CYLC1: variants seen among roughly 807,000 people sequenced by gnomAD.
The protein encoded by CYLC1 is cylicin 1, also known as cylicin-1.
CYLC1 carries 2 observed loss-of-function variants against 31.6 expected under a neutral mutation model. That is an observed-to-expected ratio of 0.06 (90% CI 0.03 to 0.20). The LOEUF is 0.20. Among genes scored for constraint, CYLC1 ranks in the 10% least tolerant of loss-of-function variants. The pLI is 1.00. For missense variants in CYLC1, 595 were observed against 424.1 expected, an observed-to-expected ratio of 1.40 and a Z score of -3.54; for synonymous variants, 185 against 153.0, an observed-to-expected ratio of 1.21 and a Z score of -1.54.
At chrX:83,878,965 G>A (rs1466556753) in intron 4 of CYLC1, among the ~76,000 whole-genome samples, 1 of 107,707 alleles carries the variant, frequency 9.3e-6, no homozygotes, top group Non-Finnish European at 1.9e-5. Context: ...AACCACATAA[G>A]CAGTGCTGTG....
At chrX:83,870,007 C>A in intron 2 of CYLC1, 102 bp downstream of exon 2, 5 of 436,635 alleles carry the variant, frequency 1.1e-5, no homozygotes, top group Non-Finnish European at 1.6e-5. Flanking sequence ...GCAGAAACTG[C>A]TATGAATTTT....
At chrX:83,866,948 A>G (rs192146265) in intron 1 of CYLC1, among the ~76,000 whole-genome samples, 1 of 111,541 alleles carries the variant, frequency 9.0e-6, no homozygotes, top group Admixed American at 9.6e-5. Flanking sequence ...GCAAGAAGAA[A>G]CTGCATTATA....
intron 1 of CYLC1, among the ~76,000 whole-genome samples, chrX:83,861,599 T>C (rs151254975): frequency 0.11 from 12,378 of 111,426 alleles, 694 homozygotes; most frequent in East Asian, 0.49. Flanking sequence ...AATTAGACCA[T>C]TCTATTTTTC....
chrX:83,865,593 C>A (rs1208612968), intron 1 of CYLC1, among the ~76,000 whole-genome samples: 1 of 111,603 alleles, frequency 9.0e-6, no homozygotes, highest in African/African-American at 3.3e-5. Context: ...TCATTCAGAG[C>A]TAAAATCAAG....
intron 4 of CYLC1, among the ~76,000 whole-genome samples, chrX:83,878,707 T>C (rs1013580434): frequency 1.9e-5 from 2 of 103,507 alleles, no homozygotes; most frequent in East Asian, 3.0e-4. Context: ...TTAAAACAAG[T>C]ATTTTTTTAA....
intron 4 of CYLC1, among the ~76,000 whole-genome samples, chrX:83,879,877 G>A (rs1374865790): frequency 9.0e-6 from 1 of 111,449 alleles, no homozygotes; most frequent in African/African-American, 3.3e-5. Flanking sequence ...TTGCATCTTG[G>A]TCAGCAATAG....
intron 1 of CYLC1, among the ~76,000 whole-genome samples, chrX:83,865,192 C>T (rs912954043): frequency 9.0e-6 from 1 of 111,011 alleles, no homozygotes; most frequent in Non-Finnish European, 1.9e-5. Flanking sequence ...ACCTGCTCAT[C>T]CATAAGTATT....
chrX:83,863,362 C>T (rs2031542966), intron 1 of CYLC1, among the ~76,000 whole-genome samples: 1 of 111,003 alleles, frequency 9.0e-6, no homozygotes, highest in South Asian at 3.8e-4. Context: ...CTACCTTTTC[C>T]CTGTTCCTTG....
chrX:83,875,545 T>A (rs1053057809), intron 4 of CYLC1, among the ~76,000 whole-genome samples: 1 of 111,497 alleles, frequency 9.0e-6, no homozygotes, highest in African/African-American at 3.3e-5. Flanking sequence ...CAAAGAGAGC[T>A]TGTGCAGAGA....
chrX:83,871,542 G>A lies in CYLC1; in HGVS notation c.149G>A (p.Arg50Lys). Residue 50 changes from arginine to lysine, a missense_variant, in exon 3 of 5, where the codon AGA (arginine) becomes AAA (lysine). By Grantham distance (26) the Arg-to-Lys change is conservative. Coordinates refer to ENST00000329312, the MANE Select transcript of CYLC1 (RefSeq NM_021118.3). ...PLQRGTNDKS[R>K]PLKSQITVTR... ...CAGAGAGGTACAAATGATAAATCAA[G>A]ACCTTTGAAATCACAAATAACAGTT... The A allele has an allele frequency of 8.4e-7, 1 of 1,194,319 alleles. No homozygotes were observed. Among genetic ancestry groups the A allele is most frequent in the Non-Finnish European group, 1.1e-6 (1 of 887,588 alleles).
intron 3 of CYLC1, among the ~76,000 whole-genome samples, chrX:83,872,189 A>G (rs992337488): frequency 3.6e-5 from 4 of 111,007 alleles, no homozygotes; most frequent in Non-Finnish European, 7.6e-5. Context: ...CTACTGAATA[A>G]TTGAGGGAAA....
intron 4 of CYLC1, among the ~76,000 whole-genome samples, chrX:83,875,680 T>G (rs1463690415): frequency 9.0e-6 from 1 of 111,645 alleles, no homozygotes; most frequent in African/African-American, 3.2e-5. Flanking sequence ...CATGTGTGAA[T>G]TGTGGAGGTT....
rs186172839 is a variant in CYLC1 at position 83,868,186 on chromosome X, G to A, written c.18-1679G>A. Among the ~76,000 whole-genome samples, 6 of 110,849 alleles carry A rather than the reference G, an allele frequency of 5.4e-5. No individual in the cohort carries two copies. In the East Asian group the frequency reaches 1.4e-3, roughly 26 times the overall value. On this transcript the variant is annotated intron_variant, in intron 1 of 4. Transcript: ENST00000329312. ...AATTATTCAACTATATTAAAAAATTGCAAATTTGAAAGTTTATTATGAACA... is the reference window on the plus strand; with the variant it reads ...AATTATTCAACTATATTAAAAAATTACAAATTTGAAAGTTTATTATGAACA...
At chrX:83,866,564 G>A (rs1474789702) in intron 1 of CYLC1, among the ~76,000 whole-genome samples, 3 of 110,544 alleles carry the variant, frequency 2.7e-5, no homozygotes, top group Admixed American at 9.7e-5. Flanking sequence ...CAGTGTTTCT[G>A]CTGGTATAAC....
At chrX:83,864,597 TGGA>T in intron 1 of CYLC1, 1 of 227,399 alleles carries the variant, frequency 4.4e-6, no homozygotes, top group Non-Finnish European at 8.1e-6. Context: ...ATATATATGG[TGGA>T]TAATTCAAAA....
chrX:83,867,075 A>T (rs926735749), intron 1 of CYLC1, among the ~76,000 whole-genome samples: 3 of 111,520 alleles, frequency 2.7e-5, no homozygotes, highest in African/African-American at 9.8e-5. Context: ...ATACAGCTGG[A>T]ATTATCTTTC....
At chrX:83,877,985 AAT>A (rs1416584493) in intron 4 of CYLC1, among the ~76,000 whole-genome samples, 1 of 70,520 alleles carries the variant, frequency 1.4e-5, no homozygotes, top group Non-Finnish European at 2.5e-5. Context: ...TATAAATATA[AAT>A]ATATATATTT....
intron 2 of CYLC1, among the ~76,000 whole-genome samples, chrX:83,871,103 A>G (rs1460806003): frequency 9.1e-6 from 1 of 110,466 alleles, no homozygotes; most frequent in Non-Finnish European, 1.9e-5. Context: ...AAAACAGGAT[A>G]GACGAGATGA....
Position 83,874,495 on chromosome X carries a change from G to T in CYLC1, c.1787G>T (p.Ser596Ile), listed in dbSNP as rs371174588. 1 of 1,209,839 alleles carries T rather than the reference G, an allele frequency of 8.3e-7. No homozygotes were observed. Among genetic ancestry groups the T allele is most frequent in the Admixed American group, 2.2e-5 (1 of 45,719 alleles). ...TTCAATGAAAAAGGGGAAAAAGCAA[G>T]TACAGGTAGAGTTCCTCCATCAAGA... ...TTFNEKGEKA[S>I]TGRVPPSREK... Residue 596 changes from serine (S) to isoleucine (I), a missense_variant, in exon 4 of 5, where the codon AGT becomes ATT. Coordinates refer to ENST00000329312, the MANE Select transcript of CYLC1 (RefSeq NM_021118.3).
Sources: gnomAD v4.1 joint callset for allele counts (sites outside exome capture counted in the v4.1 genomes callset) on GRCh38, gnomAD v4.1.1 for gene constraint, MANE v1.5 for transcripts, NCBI Gene and HGNC (gene_info 2026-07-23, HGNC 2026-07-21) for gene names.